Variants in DACH2 observed in about 807,000 individuals in gnomAD.
The protein encoded by DACH2 is dachshund family transcription factor 2.
DACH2 carries 17 observed loss-of-function variants against 35.8 expected under a neutral mutation model. The observed-to-expected ratio is 0.48, with a 90% CI of 0.33 to 0.71. The LOEUF is 0.71. DACH2 is among the 30% of genes least tolerant of loss of function. DACH2 has a pLI of 0.02. For synonymous variants in DACH2, 195 were observed against 177.3 expected (o/e 1.10, Z -0.79); for missense variants, 469 against 472.7 (o/e 0.99, Z 0.07).
rs1164987181 is a variant in DACH2 at position 86,561,837 on chromosome X, A to T, written c.640+47446A>T. On this transcript the variant is annotated intron_variant, in intron 3 of 11. Coordinates refer to ENST00000373125, the MANE Select transcript of DACH2 (RefSeq NM_053281.3). ...AGTGGGTGCAGTGCACCAGCATGGCACATGTATACATATGTAACTAACCTG... is the reference window on the plus strand; with the variant it reads ...AGTGGGTGCAGTGCACCAGCATGGCTCATGTATACATATGTAACTAACCTG... Among the ~76,000 whole-genome samples the T allele has an allele frequency of 5.6e-5, 4 of 70,952 alleles. No homozygotes were observed. The East Asian group carries it at 1.8e-3, about 32-fold the overall frequency. The allele number at this position is 70,952 out of a possible 115,157, so 61.6% of individuals were successfully genotyped here. A position where few individuals can be genotyped will look rare whatever the true frequency, so the allele number is the denominator to read the frequency against.
At chrX:86,503,493 A>G (rs906554622) in intron 2 of DACH2, among the ~76,000 whole-genome samples, 3 of 112,205 alleles carry the variant, frequency 2.7e-5, no homozygotes, top group Non-Finnish European at 5.6e-5. Context: ...CCCTTTTGGC[A>G]ACATTGTCTC....
At chrX:86,409,674 C>T (rs987589285) in intron 2 of DACH2, among the ~76,000 whole-genome samples, 1 of 111,669 alleles carries the variant, frequency 9.0e-6, no homozygotes, top group Non-Finnish European at 1.9e-5. Context: ...CCTATAGAAC[C>T]GTGAACCAAT....
chrX:86,671,735 G>A (rs2040767508), intron 4 of DACH2, among the ~76,000 whole-genome samples: 2 of 111,939 alleles, frequency 1.8e-5, no homozygotes, highest in Non-Finnish European at 3.8e-5. Context: ...AGCAATATGA[G>A]AATGGAATAA....
intron 2 of DACH2, among the ~76,000 whole-genome samples, chrX:86,395,947 C>A (rs2036280670): frequency 9.0e-6 from 1 of 111,286 alleles, no homozygotes; most frequent in Non-Finnish European, 1.9e-5. Flanking sequence ...GTTCTAGATC[C>A]CTGAGGAATC....
At chrX:86,541,705 A>G (rs2038884474) in intron 3 of DACH2, among the ~76,000 whole-genome samples, 2 of 111,670 alleles carry the variant, frequency 1.8e-5, no homozygotes, top group South Asian at 7.4e-4. Context: ...TACTAAACAC[A>G]CTATATGCTC....
chrX:86,553,594 C>T (rs1006116361), intron 3 of DACH2, among the ~76,000 whole-genome samples: 1 of 111,952 alleles, frequency 8.9e-6, no homozygotes, highest in East Asian at 2.8e-4. Flanking sequence ...CAATATTAAC[C>T]ATCATACAGA....
intron 2 of DACH2, among the ~76,000 whole-genome samples, chrX:86,500,588 T>C (rs760360894): frequency 7.1e-5 from 8 of 111,915 alleles, no homozygotes; most frequent in African/African-American, 9.7e-5. Context: ...TTCATTGCAA[T>C]TTATCTGGAA....
intron 1 of DACH2, among the ~76,000 whole-genome samples, chrX:86,348,280 A>G (rs1173017671): frequency 3.6e-5 from 4 of 112,046 alleles, no homozygotes; most frequent in Non-Finnish European, 7.5e-5. Context: ...GAGTGATGTG[A>G]TGTTTTATGT....
chrX:86,794,944 T>A (rs2042220360), intron 7 of DACH2, among the ~76,000 whole-genome samples: 1 of 111,690 alleles, frequency 9.0e-6, no homozygotes, highest in Non-Finnish European at 1.9e-5. Context: ...AGGCTGACTA[T>A]GATGCACTTC....
intron 7 of DACH2, among the ~76,000 whole-genome samples, chrX:86,751,614 T>C (rs776212854): frequency 1.8e-5 from 2 of 111,367 alleles, no homozygotes; most frequent in East Asian, 5.6e-4. Flanking sequence ...TCTAGCTAAA[T>C]TGACATGTGT....
chrX:86,336,120 G>A (rs372309679), intron 1 of DACH2, among the ~76,000 whole-genome samples: 10 of 111,781 alleles, frequency 8.9e-5, no homozygotes, highest in East Asian at 5.6e-4. Context: ...TGGTGGATAA[G>A]CTTTTTGATG....
At chrX:86,218,541 T>C (rs1432748198) in intron 1 of DACH2, among the ~76,000 whole-genome samples, 6 of 112,044 alleles carry the variant, frequency 5.4e-5, no homozygotes, top group Admixed American at 2.9e-4. Flanking sequence ...TATGGTATAA[T>C]GCTTTCTGAT....
chrX:86,243,067 C>A, intron 1 of DACH2, among the ~76,000 whole-genome samples: 1 of 111,506 alleles, frequency 9.0e-6, no homozygotes, highest in Non-Finnish European at 1.9e-5. Context: ...CTATGTTGAC[C>A]AGGCTGGTCT....
chrX:86,357,759 A>G (rs1171172988), intron 1 of DACH2, among the ~76,000 whole-genome samples: 3 of 112,540 alleles, frequency 2.7e-5, no homozygotes, highest in African/African-American at 9.7e-5. Flanking sequence ...CTTGTTATAC[A>G]CACGTGTGCT....
At chrX:86,470,818 A>G (rs757779760) in intron 2 of DACH2, among the ~76,000 whole-genome samples, 1 of 111,731 alleles carries the variant, frequency 9.0e-6, no homozygotes, top group South Asian at 3.7e-4. Context: ...TGTCAAAAAC[A>G]AAAGAGGTTT....
intron 3 of DACH2, among the ~76,000 whole-genome samples, chrX:86,572,891 C>G (rs1171646334): frequency 9.0e-6 from 1 of 111,566 alleles, no homozygotes; most frequent in Non-Finnish European, 1.9e-5. Flanking sequence ...CCTCCTCCCA[C>G]CCACCACTCT....
At chrX:86,330,647 A>G (rs936637421) in intron 1 of DACH2, among the ~76,000 whole-genome samples, 8 of 112,042 alleles carry the variant, frequency 7.1e-5, no homozygotes, top group African/African-American at 9.7e-5. Context: ...TAATGGTAGT[A>G]TATAATTAAA....
rs759607177 is a variant in DACH2 at position 86,161,476 on chromosome X, C to A, written c.488+12368C>A. On this transcript the variant is annotated intron_variant, in intron 1 of 11. Coordinates refer to ENST00000373125, the MANE Select transcript of DACH2 (RefSeq NM_053281.3). ...GAACCCCTAAATAACCATCTTCCTT[C>A]AGTTAAATAAAAATTTCTTGACACC... 19 of 367,894 alleles carry A rather than the reference C, an allele frequency of 5.2e-5. No individual in the cohort carries two copies. In the South Asian group the frequency reaches 1.7e-3, roughly 32 times the overall value. The allele number at this position is 367,894 out of a possible 1,213,427, so 30.3% of individuals were successfully genotyped here.
chrX:86,794,539 T>C (rs1364744734), intron 7 of DACH2, among the ~76,000 whole-genome samples: 1 of 110,772 alleles, frequency 9.0e-6, no homozygotes, highest in Non-Finnish European at 1.9e-5. Context: ...ACATGTATTA[T>C]TCCATTGAAA....
Sources: gnomAD v4.1 joint callset for allele counts (sites outside exome capture counted in the v4.1 genomes callset) on GRCh38, gnomAD v4.1.1 for gene constraint, MANE v1.5 for transcripts, NCBI Gene and HGNC (gene_info 2026-07-23, HGNC 2026-07-21) for gene names.